The following ARSF variants were observed in gnomAD, a reference collection of about 807,000 sequenced individuals.
ARSF encodes arylsulfatase F.
Under a neutral mutation model 35.4 loss-of-function variants are expected in ARSF, and 33 were observed. That is an observed-to-expected ratio of 0.93 (90% CI 0.71 to 1.25). The LOEUF is 1.25. Among genes scored for constraint, ARSF ranks in the 50% most tolerant of loss-of-function variants. ARSF has a pLI of 0.00. For synonymous variants in ARSF, 222 were observed against 193.1 expected, an observed-to-expected ratio of 1.15 and a Z score of -1.24; for missense variants, 501 against 480.2, an observed-to-expected ratio of 1.04 and a Z score of -0.40.
intron 10 of ARSF, among the ~76,000 whole-genome samples, chrX:3,111,125 GCTTT>G (rs201993808): frequency 0.052 from 5,629 of 107,660 alleles, 158 homozygotes; most frequent in Admixed American, 0.097. Context: ...CCTCTGATGT[GCTTT>G]CTTTCTTTCT....
At chrX:3,091,238 G>T (rs1056467363) in intron 7 of ARSF, among the ~76,000 whole-genome samples, 20 of 111,912 alleles carry the variant, frequency 1.8e-4, no homozygotes, top group Admixed American at 5.7e-4. Flanking sequence ...GATAGAAAGA[G>T]AAATCATATT....
chrX:3,055,782 C>A lies in ARSF; in HGVS notation c.-28-12291C>A, dbSNP rs138058021. On this transcript the variant is annotated intron_variant, in intron 1 of 10. Coordinates refer to ENST00000381127, the MANE Select transcript of ARSF (RefSeq NM_001201539.2). Reference sequence around the variant, plus strand: ...TCTGCACAGCACTCAGCTTCAATAGCCCAGTGGCAAGCTGCTTCATAAGTA... The same window carrying A: ...TCTGCACAGCACTCAGCTTCAATAGACCAGTGGCAAGCTGCTTCATAAGTA... 2.2e-4 allele frequency among the ~76,000 whole-genome samples: 24 copies of A among 111,354 alleles called. No individual in the cohort carries two copies. In the East Asian group the frequency reaches 5.9e-3, roughly 28 times the overall value.
At chrX:3,065,920 G>A (rs1371509609) in intron 1 of ARSF, among the ~76,000 whole-genome samples, 1 of 110,470 alleles carries the variant, frequency 9.1e-6, no homozygotes, top group East Asian at 2.8e-4. Context: ...GCAACATAGT[G>A]AGATTATGTA....
chrX:3,077,652 A>G (rs1406007198), intron 4 of ARSF, among the ~76,000 whole-genome samples: 1 of 109,409 alleles, frequency 9.1e-6, no homozygotes, highest in African/African-American at 3.3e-5. Context: ...ACAAACAAAC[A>G]GCAACAACAA....
intron 1 of ARSF, among the ~76,000 whole-genome samples, chrX:3,048,045 A>G (rs2089982539): frequency 9.0e-6 from 1 of 111,229 alleles, no homozygotes; most frequent in Non-Finnish European, 1.9e-5. Flanking sequence ...CTCATTCACT[A>G]CCACAAGAAT....
chrX:3,073,609 T>C (rs2090124285), intron 3 of ARSF, among the ~76,000 whole-genome samples: 1 of 98,055 alleles, frequency 1.0e-5, no homozygotes, highest in Non-Finnish European at 2.0e-5. Flanking sequence ...ATAAATATAA[T>C]ATAAATATTT....
At chrX:3,079,085 T>A (rs2090175743) in intron 4 of ARSF, among the ~76,000 whole-genome samples, 1 of 111,615 alleles carries the variant, frequency 9.0e-6, no homozygotes, top group Admixed American at 9.6e-5. Context: ...TGTTTTATGG[T>A]AGCCTGGGTC....
chrX:3,077,816 A>ATTATTATTATTATTAT (rs1314371478), intron 4 of ARSF, among the ~76,000 whole-genome samples: 1 of 102,809 alleles, frequency 9.7e-6, no homozygotes, highest in East Asian at 3.1e-4. Flanking sequence ...TATTATTATT[A>ATTATTATTATTATTAT]TTTTTGAAAT....
intron 1 of ARSF, among the ~76,000 whole-genome samples, chrX:3,055,369 A>G (rs1015675337): frequency 9.3e-6 from 1 of 107,072 alleles, no homozygotes; most frequent in Non-Finnish European, 1.9e-5. Flanking sequence ...AAAAAAATCT[A>G]ATATTGTCCC....
Position 3,101,217 on chromosome X carries a change from C to T in ARSF, c.1098C>T (p.Tyr366=). The T allele has an allele frequency of 8.3e-7, 1 of 1,209,176 alleles. No individual in the cohort carries two copies. The highest frequency in any genetic ancestry group is 1.1e-6 in the Non-Finnish European group (1 of 894,412). Residue 366 remains tyrosine, a synonymous_variant, in exon 8 of 11, where the codon TAC becomes TAT. Coordinates refer to ENST00000381127, the MANE Select transcript of ARSF (RefSeq NM_001201539.2). The part of the protein sequence containing the change: ...HAQLGGWNGI[Y]KGGKGMGGWE... ...AACTTGGTGGATGGAATGGAATATA[C>T]AAAGGTGAGGAGAGGAACTCATGCA...
At position 3,111,297 on chromosome X, in the gene ARSF, G is replaced by A. The variant is rs143618962; in HGVS notation, c.1391-877G>A. The stretch of plus-strand genomic sequence containing the variant: ...AAGATTAAAAGTGTTAGAAGAAAAT[G>A]AGTTTATGACCCAGAAATTGGAAGT... On this transcript the variant is annotated intron_variant, in intron 10 of 10. Transcript: ENST00000381127. Among the ~76,000 whole-genome samples the A allele has an allele frequency of 7.3e-3, 816 of 111,834 alleles. 6 individuals are homozygous for A. Among genetic ancestry groups the A allele is most frequent in the Non-Finnish European group, 0.012 (633 of 53,203 alleles).
intron 7 of ARSF, among the ~76,000 whole-genome samples, chrX:3,098,581 C>G (rs1053392826): frequency 6.3e-5 from 7 of 110,766 alleles, no homozygotes; most frequent in Non-Finnish European, 1.3e-4. Flanking sequence ...TTGCTTGGCT[C>G]TCATTCTCTC....
intron 8 of ARSF, among the ~76,000 whole-genome samples, chrX:3,102,200 T>C (rs1038662688): frequency 1.8e-5 from 2 of 111,334 alleles, no homozygotes; most frequent in African/African-American, 3.3e-5. Flanking sequence ...AGTTCTTTAG[T>C]GGTGATTTCT....
intron 4 of ARSF, among the ~76,000 whole-genome samples, chrX:3,079,317 T>C (rs1249382968): frequency 1.9e-5 from 2 of 105,730 alleles, no homozygotes; most frequent in Non-Finnish European, 3.9e-5. Context: ...TCCCCAGGAG[T>C]GAAATTGTTG....
intron 9 of ARSF, among the ~76,000 whole-genome samples, chrX:3,108,482 C>T (rs1195591294): frequency 9.0e-6 from 1 of 111,624 alleles, no homozygotes. Flanking sequence ...TGGCTTTTCT[C>T]ATACAAATTT....
intron 1 of ARSF, among the ~76,000 whole-genome samples, chrX:3,045,075 G>T (rs956556738): frequency 1.8e-5 from 2 of 111,834 alleles, no homozygotes; most frequent in Non-Finnish European, 3.8e-5. Flanking sequence ...CAAAGAAAAT[G>T]TAATGTTTAG....
chrX:3,049,025 C>T (rs1209901079), intron 1 of ARSF, among the ~76,000 whole-genome samples: 2 of 111,933 alleles, frequency 1.8e-5, no homozygotes, highest in Admixed American at 9.5e-5. Flanking sequence ...AGGGTGTCAA[C>T]GAGAAGAGAC....
chrX:3,076,560 C>T lies in ARSF; in HGVS notation c.174C>T (p.Ile58=), dbSNP rs758361610. The T allele has an allele frequency of 2.5e-6, 3 of 1,203,273 alleles. No homozygotes were observed. Among genetic ancestry groups the T allele is most frequent in the Non-Finnish European group, 1.1e-6 (1 of 892,529 alleles). ...TCTCCCCCTTCAGGACGCCTCACAT[C>T]GACCGCCTTGCCAGGGAAGGCGTGC... ...YGNDTMRTPH[I]DRLAREGVRL... Residue 58 remains isoleucine, a synonymous_variant, in exon 4 of 11, where the codon ATC becomes ATT. Coordinates refer to ENST00000381127, the MANE Select transcript of ARSF (RefSeq NM_001201539.2).
intron 1 of ARSF, chrX:3,058,391 G>A (rs940479282): frequency 4.2e-5 from 6 of 144,419 alleles, no homozygotes; most frequent in African/African-American, 1.9e-4. Flanking sequence ...CACCAAGCTG[G>A]TGCTGAACGT....
Sources: gnomAD v4.1 joint callset for allele counts (sites outside exome capture counted in the v4.1 genomes callset) on GRCh38, gnomAD v4.1.1 for gene constraint, MANE v1.5 for transcripts, NCBI Gene and HGNC (gene_info 2026-07-23, HGNC 2026-07-21) for gene names.